TUSC3: variants seen among roughly 807,000 people sequenced by gnomAD.
The protein encoded by TUSC3 is dolichyl-diphosphooligosaccharide--protein glycosyltransferase subunit TUSC3.
In TUSC3, 45 loss-of-function variants were observed where a neutral mutation model predicts 44.8. That is an observed-to-expected ratio of 1.00 (90% CI 0.79 to 1.29). TUSC3 has a LOEUF of 1.29. Among genes scored for constraint, TUSC3 ranks in the 50% most tolerant of loss-of-function variants. The pLI is 0.00. For synonymous variants in TUSC3, 212 were observed against 152.9 expected, an observed-to-expected ratio of 1.39 and a Z score of -2.85; for missense variants, 519 against 437.9, an observed-to-expected ratio of 1.19 and a Z score of -1.65.
chr8:15,448,964 T>C (rs1240047364), intron 1 of TUSC3, among the ~76,000 whole-genome samples: 1 of 152,178 alleles, frequency 6.6e-6, no homozygotes, highest in Non-Finnish European at 1.5e-5. Context: ...AGACTAATTG[T>C]AGAGTGTTTA....
intron 6 of TUSC3, among the ~76,000 whole-genome samples, chr8:15,719,278 A>T (rs1353098227): frequency 6.6e-6 from 1 of 151,498 alleles, no homozygotes; most frequent in East Asian, 1.9e-4. Flanking sequence ...CCATTATTCC[A>T]TCTCTCTTAT....
intron 1 of TUSC3, among the ~76,000 whole-genome samples, chr8:15,598,466 A>G (rs1036830280): frequency 2.0e-5 from 3 of 151,912 alleles, no homozygotes; most frequent in Non-Finnish European, 2.9e-5. Context: ...TAGATACATC[A>G]TAATTACCCA....
the TUSC3 span, chr8:15,807,395 C>T: frequency 1.0e-5 from 3 of 289,364 alleles, no homozygotes; most frequent in Non-Finnish European, 2.0e-5. Context: ...GAAGGCAATG[C>T]TTATACACTG....
In TUSC3 at chr8:15,554,568, T is replaced by G. The variant is rs189966154; in HGVS notation, c.138+14000T>G. Among the ~76,000 whole-genome samples, 432 of 151,068 alleles carry G rather than the reference T, an allele frequency of 2.9e-3. 3 individuals are homozygous for G. Among genetic ancestry groups the G allele is most frequent in the African/African-American group, 0.01 (422 of 41,366 alleles). On this transcript the variant is annotated intron_variant, in intron 1 of 10. Coordinates refer to ENST00000503731, the MANE Select transcript of TUSC3 (RefSeq NM_006765.4). ...TATAGTCTAACCTATTTGGATTGTT[T>G]CAAGGACTGTTGACTTTTGCATTTT...
intron 1 of TUSC3, among the ~76,000 whole-genome samples, chr8:15,469,031 A>T (rs1800450837): frequency 6.6e-6 from 1 of 152,144 alleles, no homozygotes; most frequent in African/African-American, 2.4e-5. Flanking sequence ...TTCTCTCAGA[A>T]CGCAGAGGGG....
chr8:15,519,174 G>A (rs928040447), intron 2 of TUSC3, among the ~76,000 whole-genome samples: 1 of 152,112 alleles, frequency 6.6e-6, no homozygotes, highest in Non-Finnish European at 1.5e-5. Flanking sequence ...GAGAAGTCAT[G>A]ATTTTGAGAA....
chr8:15,747,011 A>C (rs1055743895), intron 8 of TUSC3, among the ~76,000 whole-genome samples: 5 of 152,034 alleles, frequency 3.3e-5, no homozygotes, highest in African/African-American at 1.2e-4. Flanking sequence ...GTGTTGTCTG[A>C]AATGAAATGT....
At chr8:15,643,576 C>T (rs1170519076) in intron 2 of TUSC3, among the ~76,000 whole-genome samples, 3 of 152,104 alleles carry the variant, frequency 2.0e-5, no homozygotes, top group Admixed American at 1.3e-4. Flanking sequence ...GAAAGATCTA[C>T]TTAGGTCTGA....
At chr8:15,844,483 G>A in the TUSC3 span, among the ~76,000 whole-genome samples, 2 of 152,114 alleles carry the variant, frequency 1.3e-5, no homozygotes, top group Admixed American at 1.3e-4. Flanking sequence ...GAACAAAAGA[G>A]TTATGATGAA....
intron 2 of TUSC3, among the ~76,000 whole-genome samples, chr8:15,488,173 T>C (rs1286973171): frequency 6.6e-6 from 1 of 152,094 alleles, no homozygotes; most frequent in Non-Finnish European, 1.5e-5. Flanking sequence ...CTAAAATTCT[T>C]CTTCACTATC....
At chr8:15,752,239 T>C (rs1005676455) in intron 9 of TUSC3, among the ~76,000 whole-genome samples, 3 of 152,040 alleles carry the variant, frequency 2.0e-5, no homozygotes, top group African/African-American at 4.8e-5. Flanking sequence ...TGAGGGTATT[T>C]CATGAGCCGA....
the TUSC3 span, among the ~76,000 whole-genome samples, chr8:15,811,201 A>C: frequency 6.6e-6 from 1 of 152,224 alleles, no homozygotes; most frequent in Non-Finnish European, 1.5e-5. Context: ...TGAAGCTAAC[A>C]AGCAGCTCCC....
upstream of TUSC3, among the ~76,000 whole-genome samples, chr8:15,538,370 C>T (rs1475726101): frequency 6.6e-6 from 1 of 152,110 alleles, no homozygotes; most frequent in Non-Finnish European, 1.5e-5. Flanking sequence ...AAGTTTTTAA[C>T]AGGAGTGATA....
At chr8:15,742,440 T>C (rs936057049) in intron 7 of TUSC3, among the ~76,000 whole-genome samples, 1 of 152,180 alleles carries the variant, frequency 6.6e-6, no homozygotes, top group African/African-American at 2.4e-5. Flanking sequence ...TGAAGACAGA[T>C]TCAAATATGA....
the TUSC3 span, among the ~76,000 whole-genome samples, chr8:15,805,715 A>G: frequency 6.6e-6 from 1 of 152,028 alleles, no homozygotes; most frequent in Admixed American, 6.6e-5. Flanking sequence ...GTGCTACTGG[A>G]TTCAGTTTGC....
chr8:15,840,496 G>T, the TUSC3 span, among the ~76,000 whole-genome samples: 1 of 152,218 alleles, frequency 6.6e-6, no homozygotes, highest in Non-Finnish European at 1.5e-5. Flanking sequence ...GGAGTAAAGA[G>T]CCTAGAAAGT....
Position 15,648,756 on chromosome 8 carries a change from AG to A in TUSC3, c.309-1940del, listed in dbSNP as rs1211671586. 3.7e-3 allele frequency among the ~76,000 whole-genome samples: 504 copies of A among 135,756 alleles called. 8 individuals carry two copies. The highest frequency in any genetic ancestry group is 0.012 in the African/African-American group (409 of 34,090). The allele number at this position is 135,756 out of a possible 152,430, so 89.1% of individuals were successfully genotyped here. On this transcript the variant is annotated intron_variant, in intron 2 of 10. Transcript: ENST00000503731. Reference sequence around the variant, plus strand: ...AAAAAAAAAAAAAAAAAAAAAAAAAAGACATCTCCTGTTGAACAAAGCATCA... The same window carrying A: ...AAAAAAAAAAAAAAAAAAAAAAAAAAACATCTCCTGTTGAACAAAGCATCA...
intron 2 of TUSC3, among the ~76,000 whole-genome samples, chr8:15,505,882 C>G (rs1297444905): frequency 1.3e-5 from 2 of 152,100 alleles, no homozygotes; most frequent in South Asian, 4.1e-4. Flanking sequence ...TACAGAATCT[C>G]TGTAAAATCC....
At chr8:15,478,520 A>G (rs1210837573) in intron 1 of TUSC3, among the ~76,000 whole-genome samples, 2 of 152,192 alleles carry the variant, frequency 1.3e-5, no homozygotes, top group Non-Finnish European at 2.9e-5. Flanking sequence ...AAGTGAGAAC[A>G]TGCAATGTTT....
Sources: allele counts gnomAD v4.1 joint callset (sites outside exome capture counted in the v4.1 genomes callset), GRCh38; gene constraint gnomAD v4.1.1; transcripts MANE v1.5; gene names NCBI Gene and HGNC (gene_info 2026-07-23, HGNC 2026-07-21).